Variants in MAD1L1 observed in about 807,000 individuals in gnomAD.
MAD1L1 encodes mitotic arrest deficient 1 like 1.
Under a neutral mutation model 96.9 loss-of-function variants are expected in MAD1L1, and 95 were observed. The observed-to-expected ratio is 0.98, with a 90% CI of 0.83 to 1.16. MAD1L1 has a LOEUF of 1.16. Ranked by LOEUF, MAD1L1 falls within the 50% of genes most tolerant of loss-of-function variation. The pLI, the probability that MAD1L1 is intolerant of heterozygous loss-of-function variation, is 0.00. For synonymous variants in MAD1L1, 473 were observed against 396.6 expected, an observed-to-expected ratio of 1.19 and a Z score of -2.29; for missense variants, 1,007 against 954.4, an observed-to-expected ratio of 1.06 and a Z score of -0.73.
intron 16 of MAD1L1, among the ~76,000 whole-genome samples, chr7:1,946,084 G>A (rs1779216704): frequency 6.6e-6 from 1 of 152,216 alleles, no homozygotes; most frequent in Admixed American, 6.5e-5. Context: ...CCAGGAGGCA[G>A]CGGATGTGGG....
intron 12 of MAD1L1, among the ~76,000 whole-genome samples, chr7:2,067,660 G>A (rs567873765): frequency 6.6e-6 from 1 of 152,354 alleles, no homozygotes; most frequent in Admixed American, 6.5e-5. Context: ...TGTGGCCTGT[G>A]GGCCCAAGCC....
intron 10 of MAD1L1, among the ~76,000 whole-genome samples, chr7:2,166,907 C>T (rs777466940): frequency 3.9e-5 from 6 of 152,206 alleles, no homozygotes; most frequent in East Asian, 1.9e-4. Flanking sequence ...ACCTGGGCGG[C>T]GCACTCCGCT....
At chr7:2,111,328 T>C (rs1051133502) in intron 11 of MAD1L1, among the ~76,000 whole-genome samples, 4 of 152,154 alleles carry the variant, frequency 2.6e-5, no homozygotes, top group Non-Finnish European at 5.9e-5. Context: ...CAGCCCCCAG[T>C]CCCAGGCGTG....
intron 11 of MAD1L1, among the ~76,000 whole-genome samples, chr7:2,082,048 G>A (rs1236586046): frequency 3.9e-5 from 6 of 152,178 alleles, no homozygotes; most frequent in Admixed American, 2.0e-4. Flanking sequence ...GAAGTGACAA[G>A]AAGAGATGTC....
chr7:2,219,107 A>G (rs1044060326), intron 6 of MAD1L1, among the ~76,000 whole-genome samples: 16 of 152,094 alleles, frequency 1.1e-4, no homozygotes, highest in African/African-American at 3.9e-4. Flanking sequence ...TCTAAGAAGG[A>G]GGGGGAGGAA....
At chr7:2,028,378 T>G (rs1012085164) in intron 12 of MAD1L1, among the ~76,000 whole-genome samples, 8 of 139,734 alleles carry the variant, frequency 5.7e-5, no homozygotes, top group Admixed American at 1.5e-4. Context: ...TGAGCCGAGA[T>G]CATGCCATTG....
At chr7:2,187,921 T>A (rs1791536903) in intron 10 of MAD1L1, among the ~76,000 whole-genome samples, 2 of 152,162 alleles carry the variant, frequency 1.3e-5, no homozygotes. Flanking sequence ...TTGACAATAA[T>A]AAAACTCAAG....
Position 2,114,175 on chromosome 7 carries a change from A to G in MAD1L1, c.1073+34977T>C, listed in dbSNP as rs1394097274. Among the ~76,000 whole-genome samples, 1 of 152,256 alleles carries G rather than the reference A, an allele frequency of 6.6e-6. No homozygotes were observed. Among genetic ancestry groups the G allele is most frequent in the Non-Finnish European group, 1.5e-5 (1 of 68,044 alleles). On this transcript the variant is annotated intron_variant, in intron 11 of 18. Coordinates refer to ENST00000265854, the MANE Select transcript of MAD1L1 (RefSeq NM_001013836.2). This position sits in a 1 kb window ranked among gnomAD's most constrained non-coding sequence, Gnocchi z 4.2. ...CCACGACTTCTGCAACTTTCCTGTCAGTGTAACATTATGTCAAAATGAAAA... is the reference window on the plus strand; with the variant it reads ...CCACGACTTCTGCAACTTTCCTGTCGGTGTAACATTATGTCAAAATGAAAA...
chr7:1,912,567 G>C (rs1333193227), intron 17 of MAD1L1, among the ~76,000 whole-genome samples: 2 of 152,186 alleles, frequency 1.3e-5, no homozygotes, highest in Non-Finnish European at 2.9e-5. Context: ...CGATGCATCA[G>C]AGCCACCGGG....
At chr7:2,189,215 T>C (rs1705642210) in intron 10 of MAD1L1, among the ~76,000 whole-genome samples, 1 of 152,126 alleles carries the variant, frequency 6.6e-6, no homozygotes, top group South Asian at 2.1e-4. Flanking sequence ...TCCTGTGCAC[T>C]GCTGATGAGA....
At chr7:2,148,239 G>A (rs116085357) in intron 11 of MAD1L1, 23 of 152,502 alleles carry the variant, frequency 1.5e-4, no homozygotes, top group African/African-American at 5.3e-4. Context: ...AGGAGGACAA[G>A]GCTGAGCTTG....
intron 18 of MAD1L1, among the ~76,000 whole-genome samples, chr7:1,876,828 C>A (rs893730592): frequency 6.7e-6 from 1 of 148,608 alleles, no homozygotes; most frequent in Non-Finnish European, 1.5e-5. Flanking sequence ...GGTCTTTACC[C>A]CTCTGCTCAA....
chr7:2,002,607 C>T (rs1371115809), intron 13 of MAD1L1, among the ~76,000 whole-genome samples: 1 of 152,338 alleles, frequency 6.6e-6, no homozygotes, highest in Non-Finnish European at 1.5e-5. Flanking sequence ...CGGCCACCCC[C>T]AAGCAGGACC....
chr7:2,043,384 A>G (rs1027298785), intron 12 of MAD1L1, among the ~76,000 whole-genome samples: 5 of 152,226 alleles, frequency 3.3e-5, no homozygotes, highest in African/African-American at 1.2e-4. Flanking sequence ...TAGCTGGCAG[A>G]CACAAGGACG....
At chr7:2,123,475 C>T (rs562106854) in intron 11 of MAD1L1, among the ~76,000 whole-genome samples, 5 of 152,262 alleles carry the variant, frequency 3.3e-5, no homozygotes, top group Non-Finnish European at 7.4e-5. Flanking sequence ...GTGAGGGCGG[C>T]TGACACCCGG....
intron 18 of MAD1L1, among the ~76,000 whole-genome samples, chr7:1,890,644 G>A (rs1029941660): frequency 3.9e-5 from 6 of 152,184 alleles, no homozygotes; most frequent in East Asian, 1.9e-4. Flanking sequence ...CAGTTTCCAC[G>A]GAGGCCCAGG....
At chr7:2,078,385 T>C in intron 11 of MAD1L1, among the ~76,000 whole-genome samples, 1 of 152,198 alleles carries the variant, frequency 6.6e-6, no homozygotes, top group East Asian at 1.9e-4. Context: ...AGGGGAGGAC[T>C]GGATCAGACG....
intron 5 of MAD1L1, among the ~76,000 whole-genome samples, chr7:2,221,367 C>A (rs1793598811): frequency 6.6e-6 from 1 of 152,230 alleles, no homozygotes; most frequent in Non-Finnish European, 1.5e-5. Flanking sequence ...CCAATCACGC[C>A]TCCTCTCCTG....
In MAD1L1 at chr7:1,961,930, G is replaced by A. The variant is rs7797941; in HGVS notation, c.1506-4211C>T. On this transcript the variant is annotated intron_variant, in intron 15 of 18. Transcript: ENST00000265854. ...GGGCGGTTTCCCCCATACCATTCTC[G>A]TGTGTTGTGGCAGGGACGTGGTGGG... is the stretch of plus-strand genomic sequence containing the variant. 4.6e-3 allele frequency among the ~76,000 whole-genome samples: 668 copies of A among 144,586 alleles called. 4 individuals carry two copies. Among genetic ancestry groups the A allele is most frequent in the African/African-American group, 0.015 (605 of 39,100 alleles). 94.9% of individuals were successfully genotyped at this position (144,586 alleles called of 152,430 possible).
Sources: allele counts gnomAD v4.1 joint callset (sites outside exome capture counted in the v4.1 genomes callset), GRCh38; gene constraint gnomAD v4.1.1; non-coding constraint Gnocchi (gnomAD v3.1); transcripts MANE v1.5; gene names NCBI Gene and HGNC (gene_info 2026-07-23, HGNC 2026-07-21).